TPP2: variants seen among roughly 807,000 people sequenced by gnomAD.
TPP2 encodes the protein tripeptidyl peptidase 2, also known as tripeptidyl-peptidase 2.
TPP2 carries 34 observed loss-of-function variants against 155.9 expected under a neutral mutation model. That is an observed-to-expected ratio of 0.22 (90% confidence interval 0.17 to 0.29). The LOEUF (loss-of-function observed/expected upper bound fraction) is 0.29, where lower values mean the gene tolerates loss of function less well. Ranked by LOEUF, TPP2 falls within the 10% of genes least tolerant of loss-of-function variation. The pLI is 1.00. For missense variants in TPP2, 1,028 were observed against 1,522.3 expected (o/e 0.68, Z 5.40); for synonymous variants, 510 against 529.4 (o/e 0.96, Z 0.50).
At chr13:102,600,945 C>T (rs1254546940) in intron 1 of TPP2, among the ~76,000 whole-genome samples, 3 of 151,622 alleles carry the variant, frequency 2.0e-5, no homozygotes, top group Non-Finnish European at 4.4e-5. Context: ...TACAGTGGCA[C>T]AGTGGCAGGA....
intron 3 of TPP2, 77 bp from the exon 4 acceptor site, chr13:102,616,319 T>G (rs1880721256): frequency 8.5e-7 from 1 of 1,180,794 alleles, no homozygotes. Context: ...ACCAACAAAG[T>G]CCACATATAA....
chr13:102,650,812 A>G (rs1883437779), intron 23 of TPP2, among the ~76,000 whole-genome samples: 1 of 152,220 alleles, frequency 6.6e-6, no homozygotes, highest in Non-Finnish European at 1.5e-5. Context: ...GGTGTTAACT[A>G]TGGTAGCTAT....
intron 26 of TPP2, 30 bp from the exon 27 acceptor site, chr13:102,664,765 A>AT (rs751548807): frequency 2.5e-6 from 4 of 1,603,302 alleles, no homozygotes; most frequent in South Asian, 1.1e-5. Context: ...TGATATACCT[A>AT]TTTTTTATTA....
At chr13:102,637,289 A>G in intron 14 of TPP2, 50 bp downstream of exon 14, 2 of 1,544,330 alleles carry the variant, frequency 1.3e-6, no homozygotes, top group Non-Finnish European at 1.7e-6. Context: ...AAATGTTTAA[A>G]AGGTTAAAAA....
chr13:102,672,631 T>C (rs1234545378), intron 27 of TPP2, among the ~76,000 whole-genome samples: 19 of 152,126 alleles, frequency 1.2e-4, no homozygotes, highest in Non-Finnish European at 4.4e-5. Context: ...CCTTTCTCCT[T>C]CACAAAATCA....
intron 10 of TPP2, among the ~76,000 whole-genome samples, chr13:102,632,083 A>T (rs908722347): frequency 5.9e-5 from 9 of 152,132 alleles, no homozygotes; most frequent in Admixed American, 1.3e-4. Flanking sequence ...GTGAAATCCC[A>T]TCTCTACTAA....
At chr13:102,677,489 C>T (rs1252787198) in intron 29 of TPP2, among the ~76,000 whole-genome samples, 1 of 152,090 alleles carries the variant, frequency 6.6e-6, no homozygotes, top group Admixed American at 6.6e-5. Context: ...TCCATAAGGC[C>T]CCTGCCTACC....
intron 1 of TPP2, among the ~76,000 whole-genome samples, chr13:102,602,677 T>G (rs1879517037): frequency 6.6e-6 from 1 of 152,220 alleles, no homozygotes. Flanking sequence ...TTCTTCAGGG[T>G]ATACCTTAAT....
Position 102,679,299 on chromosome 13 carries a change from A to C in TPP2, c.*983A>C, listed in dbSNP as rs74392444. On this transcript the variant is annotated 3_prime_UTR_variant, in exon 30 of 30. Transcript: ENST00000376052. ...CAGTGTTTCTTATAGGCTTACAATT[A>C]TTTGAATGTATTTCCAGTTCTTGTA... 6,176 of 152,358 alleles carry C rather than the reference A, an allele frequency of 0.041. 189 individuals are homozygous for C. Among genetic ancestry groups the C allele is most frequent in the Non-Finnish European group, 0.058 (3,975 of 68,012 alleles). The allele number at this position is 152,358 out of a possible 1,614,324, so 9.4% of individuals were successfully genotyped here.
chr13:102,611,193 A>G (rs1018023716), intron 2 of TPP2, among the ~76,000 whole-genome samples: 4 of 152,164 alleles, frequency 2.6e-5, no homozygotes, highest in African/African-American at 7.2e-5. Context: ...ACTACATTCT[A>G]TCCATTCTGC....
chr13:102,662,025 A>C (rs909532726), intron 25 of TPP2, among the ~76,000 whole-genome samples: 2 of 152,218 alleles, frequency 1.3e-5, no homozygotes, highest in African/African-American at 4.8e-5. Flanking sequence ...AATGTCCATC[A>C]GCTGATGAAT....
chr13:102,606,237 A>T (rs958791324), intron 2 of TPP2, among the ~76,000 whole-genome samples: 1 of 152,160 alleles, frequency 6.6e-6, no homozygotes, highest in African/African-American at 2.4e-5. Context: ...CATCTATCTG[A>T]ATTGTTCTTA....
chr13:102,656,096 CTTG>C (rs1477250567), intron 24 of TPP2, among the ~76,000 whole-genome samples: 5 of 152,054 alleles, frequency 3.3e-5, no homozygotes, highest in African/African-American at 4.8e-5. Context: ...TGTTTCCTAA[CTTG>C]TTGTCTTCTT....
chr13:102,661,950 A>G (rs683414), intron 25 of TPP2, among the ~76,000 whole-genome samples: 75,508 of 152,048 alleles, frequency 0.5, 19,135 homozygotes, highest in African/African-American at 0.6. Context: ...ATAAAAACCT[A>G]TATTCACACA....
At chr13:102,635,113 G>T (rs1049053258) in intron 11 of TPP2, among the ~76,000 whole-genome samples, 5 of 151,898 alleles carry the variant, frequency 3.3e-5, no homozygotes, top group Admixed American at 2.6e-4. Context: ...TCTGAGAGTT[G>T]TTTAATAAAT....
At chr13:102,647,106 G>GT (rs961348731) in intron 20 of TPP2, 101 bp from the exon 21 acceptor site, 1 of 1,353,124 alleles carries the variant, frequency 7.4e-7, no homozygotes, top group Non-Finnish European at 9.7e-7. Context: ...TATTTTTAAT[G>GT]TTTTTTAAAT....
At chr13:102,614,575 G>A (rs1181239244) in intron 3 of TPP2, among the ~76,000 whole-genome samples, 2 of 152,142 alleles carry the variant, frequency 1.3e-5, no homozygotes, top group African/African-American at 2.4e-5. Flanking sequence ...TTCTGTTCCT[G>A]TAGTTTCTGT....
In TPP2 at chr13:102,638,185, G is replaced by C. The variant is rs613926; in HGVS notation, c.1837-54G>C. 0.46 allele frequency: 698,729 copies of C among 1,502,916 alleles called. 164,959 individuals are homozygous for C. The highest frequency in any genetic ancestry group is 0.6 in the African/African-American group (43,380 of 72,564). The allele number at this position is 1,502,916 out of a possible 1,614,324, so 93.1% of individuals were successfully genotyped here. Reference sequence around the variant, plus strand: ...CTGTCAGTAGTTTAGACCTTCCCCCGCTCTTTTAAACATTTGTTTATGGAT... The same window carrying C: ...CTGTCAGTAGTTTAGACCTTCCCCCCCTCTTTTAAACATTTGTTTATGGAT... On this transcript the variant is annotated intron_variant, in intron 14 of 29. Coordinates refer to ENST00000376052, the MANE Select transcript of TPP2 (RefSeq NM_001330588.2).
chr13:102,675,659 A>G (rs1328587558), intron 28 of TPP2, among the ~76,000 whole-genome samples: 1 of 152,198 alleles, frequency 6.6e-6, no homozygotes. Context: ...ATTGTTATAG[A>G]TCATTCTATT....
Sources: allele counts gnomAD v4.1 joint callset (sites outside exome capture counted in the v4.1 genomes callset), GRCh38; gene constraint gnomAD v4.1.1; transcripts MANE v1.5; gene names NCBI Gene and HGNC (gene_info 2026-07-23, HGNC 2026-07-21).